The following MYO9A variants were observed in gnomAD, a reference collection of about 807,000 sequenced individuals.
MYO9A encodes myosin IXA, also known as unconventional myosin-IXa.
A neutral mutation model predicts 293.3 loss-of-function variants in MYO9A; 103 were observed. That is an observed-to-expected ratio of 0.35 (90% CI 0.30 to 0.41). The LOEUF is 0.41. MYO9A is among the 10% of genes least tolerant of loss of function. MYO9A has a pLI of 1.00. For synonymous variants in MYO9A, 1,001 were observed against 1,035.7 expected (o/e 0.97, Z 0.64); for missense variants, 2,685 against 3,033.0 (o/e 0.89, Z 2.69).
intron 39 of MYO9A, among the ~76,000 whole-genome samples, chr15:71,836,775 G>A (rs1301888235): frequency 6.6e-6 from 1 of 152,010 alleles, no homozygotes; most frequent in Non-Finnish European, 1.5e-5. Context: ...ACAGTGCTCA[G>A]GGATACATAT....
rs149896245 is a variant in MYO9A at position 71,825,701 on chromosome 15, C to G, written c.*879G>C. ...GGTTTAATCTATACAAAGAGAAAAG[C>G]CTGAATGGCTTAGGATGAAACCTTC... On this transcript the variant is annotated 3_prime_UTR_variant, in exon 42 of 42. Transcript: ENST00000356056. The G allele has an allele frequency of 6.6e-6, 1 of 152,120 alleles. No individual in the cohort carries two copies. The highest frequency in any genetic ancestry group is 1.9e-4 in the East Asian group (1 of 5,196). 9.4% of individuals were successfully genotyped at this position (152,120 alleles called of 1,614,324 possible).
rs1168574508 is a variant in MYO9A at position 71,936,497 on chromosome 15, C to G, written c.2379-1013G>C. Reference sequence around the variant, plus strand: ...AATTTTGAAAGAGAAATGTTCCCACCACAAAAAAATGACACATATTTGAGA... The same window carrying G: ...AATTTTGAAAGAGAAATGTTCCCACGACAAAAAAATGACACATATTTGAGA... On this transcript the variant is annotated intron_variant, in intron 16 of 41. Transcript: ENST00000356056. 2.6e-5 allele frequency among the ~76,000 whole-genome samples: 4 copies of G among 151,864 alleles called. No homozygotes were observed. The East Asian group carries it at 7.7e-4, about 29-fold the overall frequency.
intron 39 of MYO9A, among the ~76,000 whole-genome samples, chr15:71,841,044 CCAT>C (rs1009056249): frequency 2.6e-5 from 4 of 152,158 alleles, no homozygotes; most frequent in Non-Finnish European, 5.9e-5. Context: ...CATTTTTCTT[CCAT>C]CATATCATCC....
At chr15:71,963,638 GA>G (rs1462388682) in intron 13 of MYO9A, among the ~76,000 whole-genome samples, 17 of 151,726 alleles carry the variant, frequency 1.1e-4, no homozygotes. Flanking sequence ...TTTTAGTAGA[GA>G]CAGGGTTTCT....
chr15:71,922,575 C>A (rs2058183572), intron 18 of MYO9A, among the ~76,000 whole-genome samples: 1 of 128,070 alleles, frequency 7.8e-6, no homozygotes, highest in Non-Finnish European at 1.6e-5. Context: ...GAAACATTAT[C>A]CTTTGACCAG....
chr15:71,978,253 C>G lies in MYO9A; in HGVS notation c.1762G>C (p.Asp588His), dbSNP rs146113811. ...ATGCAGCAGGTATTATCAATGTAAT[C>G]TATGTTGTGCCAGCTGATACCTTCA... Reference protein sequence around the residue: ...RTEGISWHNIDYIDNTCCINL... With the variant: ...RTEGISWHNIHYIDNTCCINL... Residue 588 changes from aspartate to histidine, a missense_variant, in exon 12 of 42, where the codon GAT becomes CAT. Asp to His is a moderately conservative substitution (Grantham distance 81). Around this residue, in one of 10 missense-constraint regions of MYO9A, gnomAD observed 201 missense variants for 245.2 expected, o/e 0.82. Coordinates refer to ENST00000356056, the MANE Select transcript of MYO9A (RefSeq NM_006901.4). 6.9e-5 allele frequency: 111 copies of G among 1,612,278 alleles called. 1 individual carries two copies. The Middle Eastern group carries it at 9.9e-4, about 14-fold the overall frequency.
At chr15:71,941,461 AC>A (rs2058773191) in intron 15 of MYO9A, among the ~76,000 whole-genome samples, 1 of 152,006 alleles carries the variant, frequency 6.6e-6, no homozygotes, top group Non-Finnish European at 1.5e-5. Context: ...ACAACAACAA[AC>A]CCATCAGATC....
At chr15:71,976,321 GA>G (rs1265884552) in intron 12 of MYO9A, among the ~76,000 whole-genome samples, 8 of 152,136 alleles carry the variant, frequency 5.3e-5, no homozygotes, top group African/African-American at 1.9e-4. Context: ...AGTAGTTATA[GA>G]AATGGGATAC....
chr15:72,081,372 AGT>A (rs942511275), intron 1 of MYO9A, among the ~76,000 whole-genome samples: 5 of 152,196 alleles, frequency 3.3e-5, no homozygotes, highest in Non-Finnish European at 5.9e-5. Flanking sequence ...TCATTTGAAA[AGT>A]GTGTGTTCAT....
intron 32 of MYO9A, among the ~76,000 whole-genome samples, chr15:71,867,834 ACACACACACACACACG>A: frequency 6.7e-6 from 1 of 150,272 alleles, no homozygotes; most frequent in East Asian, 2.0e-4. Context: ...ACACACACAC[ACACACACACACACACG>A]GTTATTCATT....
chr15:71,960,196 T>C, intron 13 of MYO9A, 100 bp from the exon 14 acceptor site: 1 of 1,040,934 alleles, frequency 9.6e-7, no homozygotes, highest in Non-Finnish European at 1.4e-6. Flanking sequence ...CCTCCAAACC[T>C]CATATTGAAA....
chr15:71,893,605 C>T lies in MYO9A; in HGVS notation c.5142+74G>A, dbSNP rs2057239620. The T allele has an allele frequency of 3.2e-6, 4 of 1,240,028 alleles. No homozygotes were observed. The South Asian group carries it at 3.9e-5, about 12-fold the overall frequency. 76.8% of individuals were successfully genotyped at this position (1,240,028 alleles called of 1,614,324 possible). On this transcript the variant is annotated intron_variant, in intron 26 of 41. Transcript: ENST00000356056. ...ATGGGTAGATGAGGTGCTCTACCTA[C>T]AAGAATAATAATTTCCAAAATAATG...
At chr15:72,091,736 CAG>C (rs1221250568) in intron 1 of MYO9A, among the ~76,000 whole-genome samples, 4 of 144,486 alleles carry the variant, frequency 2.8e-5, no homozygotes, top group Admixed American at 7.1e-5. Flanking sequence ...TTTTTTGAGA[CAG>C]AGTTTCACTC....
chr15:71,879,160 TATG>T (rs1234119365), intron 30 of MYO9A, among the ~76,000 whole-genome samples: 11 of 152,314 alleles, frequency 7.2e-5, no homozygotes, highest in African/African-American at 2.2e-4. Flanking sequence ...TTTTACAGAA[TATG>T]ATAATTCATA....
At chr15:71,850,741 GGGTGA>G (rs2055600635) in intron 37 of MYO9A, among the ~76,000 whole-genome samples, 1 of 128,010 alleles carries the variant, frequency 7.8e-6, no homozygotes, top group Non-Finnish European at 1.6e-5. Flanking sequence ...ACTCCGGCCT[GGGTGA>G]CAGACTGAAA....
At chr15:72,100,287 C>T (rs1011644692) in intron 1 of MYO9A, among the ~76,000 whole-genome samples, 2 of 152,190 alleles carry the variant, frequency 1.3e-5, no homozygotes, top group Admixed American at 6.5e-5. Context: ...GAGGCCGAGG[C>T]GTGCAGATCA....
chr15:71,995,392 T>C (rs957044825), intron 9 of MYO9A, among the ~76,000 whole-genome samples: 1 of 152,172 alleles, frequency 6.6e-6, no homozygotes, highest in Non-Finnish European at 1.5e-5. Flanking sequence ...TACTCCATCC[T>C]CAAAGACAGC....
intron 2 of MYO9A, among the ~76,000 whole-genome samples, 180 bp from the exon 3 acceptor site, chr15:72,032,768 A>G (rs1413616171): frequency 6.6e-6 from 1 of 152,166 alleles, no homozygotes; most frequent in South Asian, 2.1e-4. Flanking sequence ...TTAAAAAAAA[A>G]GCAATTAACA....
intron 14 of MYO9A, among the ~76,000 whole-genome samples, chr15:71,953,854 A>G (rs1323123022): frequency 6.6e-6 from 1 of 151,120 alleles, no homozygotes; most frequent in African/African-American, 2.4e-5. Flanking sequence ...TTCTTTTCTG[A>G]GGAGTCTCAT....
Sources: gnomAD v4.1 joint callset for allele counts (sites outside exome capture counted in the v4.1 genomes callset) on GRCh38, gnomAD v4.1.1 for gene constraint, gnomAD v4.1.1 regional missense constraint, MANE v1.5 for transcripts, NCBI Gene and HGNC (gene_info 2026-07-23, HGNC 2026-07-21) for gene names.